Variants in USP31 observed in about 807,000 individuals in gnomAD.
The protein encoded by USP31 is ubiquitin carboxyl-terminal hydrolase 31.
A neutral mutation model predicts 119.4 loss-of-function variants in USP31; 44 were observed. The observed-to-expected ratio is 0.37, with a 90% CI of 0.29 to 0.47. The LOEUF (loss-of-function observed/expected upper bound fraction) is 0.47, where lower values mean the gene tolerates loss of function less well. Among genes scored for constraint, USP31 ranks in the 20% least tolerant of loss-of-function variants. USP31 has a pLI of 0.99. For synonymous variants in USP31, 749 were observed against 705.6 expected, an observed-to-expected ratio of 1.06 and a Z score of -0.97; for missense variants, 1,643 against 1,730.2, an observed-to-expected ratio of 0.95 and a Z score of 0.89.
At position 23,066,021 on chromosome 16, in the gene USP31, C is replaced by A. The variant is rs1403637079; in HGVS notation, c.*2025G>T. ...CAGAAAAACGAGAGCGGTGGCTACA[C>A]ACTGATGGGGCTGTGATGTGCTGGG... On this transcript the variant is annotated 3_prime_UTR_variant, in exon 16 of 16. Transcript: ENST00000219689. The A allele has an allele frequency of 1.3e-5, 2 of 152,188 alleles. No individual in the cohort carries two copies. Among genetic ancestry groups the A allele is most frequent in the South Asian group, 2.1e-4 (1 of 4,826 alleles). The allele number at this position is 152,188 out of a possible 1,614,324, so 9.4% of individuals were successfully genotyped here.
chr16:23,134,084 C>T (rs1262801578), intron 1 of USP31, among the ~76,000 whole-genome samples: 1 of 111,834 alleles, frequency 8.9e-6, no homozygotes, highest in African/African-American at 3.3e-5. Flanking sequence ...CTCTCTCTCT[C>T]TCTCTCACAC....
intron 1 of USP31, among the ~76,000 whole-genome samples, chr16:23,109,724 G>A (rs917323131): frequency 6.6e-6 from 1 of 151,852 alleles, no homozygotes; most frequent in African/African-American, 2.4e-5. Context: ...GCTAGCATGT[G>A]CACTTGATAT....
chr16:23,111,885 T>C (rs1228049160), intron 1 of USP31, among the ~76,000 whole-genome samples: 1 of 152,206 alleles, frequency 6.6e-6, no homozygotes, highest in Non-Finnish European at 1.5e-5. Flanking sequence ...CTGTCTACTA[T>C]ATTCCAATTA....
intron 1 of USP31, among the ~76,000 whole-genome samples, chr16:23,147,991 T>A (rs949904702): frequency 2.0e-5 from 3 of 152,210 alleles, no homozygotes; most frequent in Non-Finnish European, 4.4e-5. Context: ...AGCAGGTTTT[T>A]CTTTCTTCAA....
In USP31 at chr16:23,072,154, G is replaced by A. The variant is rs768697983; in HGVS notation, c.2379C>T (p.Leu793=). 3 of 1,611,094 alleles carry A rather than the reference G, an allele frequency of 1.9e-6. No homozygotes were observed. The highest frequency in any genetic ancestry group is 1.3e-5 in the African/African-American group (1 of 75,038). ...TCACGCTGGCTGGCTTGCTGCCCGG[G>A]AGCCGGCTCACCCAGTGTTCACACA... ...SSLCEHWVSR[L]PGSKPASVTS... Residue 793 remains leucine (L), a synonymous_variant, in exon 15 of 16, where the codon CTC becomes CTT. Coordinates refer to ENST00000219689, the MANE Select transcript of USP31 (RefSeq NM_020718.4).
chr16:23,081,181 T>C (rs1027275638), intron 12 of USP31, among the ~76,000 whole-genome samples: 1 of 152,182 alleles, frequency 6.6e-6, no homozygotes, highest in African/African-American at 2.4e-5. Flanking sequence ...AAGAGGACAC[T>C]GCAGGTTTGC....
At chr16:23,072,297 G>A (rs1355694573) in intron 14 of USP31, 100 bp from the exon 15 acceptor site, 1 of 1,498,404 alleles carries the variant, frequency 6.7e-7, no homozygotes, top group Admixed American at 2.0e-5. Context: ...GAGCTGGGGG[G>A]CGTTGATGTC....
chr16:23,082,311 T>C (rs1900865697), intron 12 of USP31, 127 bp downstream of exon 12: 2 of 1,296,010 alleles, frequency 1.5e-6, no homozygotes, highest in Non-Finnish European at 2.1e-6. Flanking sequence ...AGTGTGTCTA[T>C]AACATACACA....
intron 5 of USP31, 71 bp from the exon 6 acceptor site, chr16:23,102,534 A>C (rs545131297): frequency 6.5e-7 from 1 of 1,534,834 alleles, no homozygotes; most frequent in Non-Finnish European, 8.8e-7. Context: ...CAATTCTATG[A>C]ACTTCTCCAG....
At chr16:23,130,522 T>A (rs1902997110) in intron 1 of USP31, among the ~76,000 whole-genome samples, 1 of 152,072 alleles carries the variant, frequency 6.6e-6, no homozygotes, top group Admixed American at 6.5e-5. Flanking sequence ...CTACTGCAAT[T>A]GTGTGACTGA....
At position 23,148,637 on chromosome 16, in the gene USP31, C is replaced by A; in HGVS notation, c.633+1G>T. Reference sequence around the variant, plus strand: ...GGGGGCGCGGCGGCGCGCGGGCTCACCTTGAAGTCGCGGCTGTGCTGCGGG... The same window carrying A: ...GGGGGCGCGGCGGCGCGCGGGCTCAACTTGAAGTCGCGGCTGTGCTGCGGG... On this transcript the variant is annotated splice_donor_variant, in intron 1 of 15. Coordinates refer to ENST00000219689, the MANE Select transcript of USP31 (RefSeq NM_020718.4). LOFTEE classifies it high-confidence loss of function. 6.8e-7 allele frequency: 1 copy of A among 1,474,270 alleles called. No homozygotes were observed. Among genetic ancestry groups the A allele is most frequent in the Admixed American group, 2.5e-5 (1 of 39,832 alleles). 91.3% of individuals were successfully genotyped at this position (1,474,270 alleles called of 1,614,324 possible).
Position 23,067,822 on chromosome 16 carries a change from GT to G in USP31, c.*223del. 4.0e-6 allele frequency: 2 copies of G among 496,096 alleles called. No individual in the cohort carries two copies. The highest frequency in any genetic ancestry group is 6.9e-6 in the Non-Finnish European group (2 of 291,444). The allele number at this position is 496,096 out of a possible 1,614,324, so 30.7% of individuals were successfully genotyped here. Reference sequence around the variant, plus strand: ...TTATTCCAGTTAGCTTGGTGTCAATGTTTTGCCTATGGCTGTTATTTGGTTC... The same window carrying G: ...TTATTCCAGTTAGCTTGGTGTCAATGTTTGCCTATGGCTGTTATTTGGTTC... On this transcript the variant is annotated 3_prime_UTR_variant, in exon 16 of 16. Transcript: ENST00000219689.
chr16:23,076,703 T>C (rs1434350929), intron 13 of USP31, among the ~76,000 whole-genome samples: 2 of 152,258 alleles, frequency 1.3e-5, no homozygotes, highest in Non-Finnish European at 2.9e-5. Flanking sequence ...CCTGTCTTAT[T>C]CTTCCCAACA....
intron 9 of USP31, among the ~76,000 whole-genome samples, chr16:23,086,591 T>C (rs1416190657): frequency 6.6e-6 from 1 of 152,118 alleles, no homozygotes; most frequent in Non-Finnish European, 1.5e-5. Context: ...AAAGCACGCA[T>C]ATAAAATAGT....
At chr16:23,090,577 G>A (rs780422888) in intron 7 of USP31, 47 bp downstream of exon 7, 50 of 1,476,086 alleles carry the variant, frequency 3.4e-5, no homozygotes, top group Non-Finnish European at 3.9e-5. Context: ...TGAAAATACT[G>A]AACTGTTACA....
At chr16:23,106,745 T>C (rs1567238190) in intron 2 of USP31, among the ~76,000 whole-genome samples, 1 of 152,108 alleles carries the variant, frequency 6.6e-6, no homozygotes, top group Admixed American at 6.6e-5. Context: ...TTCCCCAGGA[T>C]GCTCCAGTTC....
At chr16:23,125,203 G>T (rs1281177574) in intron 1 of USP31, among the ~76,000 whole-genome samples, 1 of 152,194 alleles carries the variant, frequency 6.6e-6, no homozygotes, top group Non-Finnish European at 1.5e-5. Flanking sequence ...TGTGAGGATG[G>T]TATTACTATG....
At position 23,123,601 on chromosome 16, in the gene USP31, A is replaced by G. The variant is rs1173490729; in HGVS notation, c.634-15418T>C. Among the ~76,000 whole-genome samples, 10 of 152,306 alleles carry G rather than the reference A, an allele frequency of 6.6e-5. No homozygotes were observed. The East Asian group carries it at 7.7e-4, about 12-fold the overall frequency. On this transcript the variant is annotated intron_variant, in intron 1 of 15. Transcript: ENST00000219689. The stretch of plus-strand genomic sequence containing the variant: ...GTTGACATTAAAAAGGAAAAACACT[A>G]AAGTTTCTTAATTTAGTCAGATGCT...
At chr16:23,147,810 G>A (rs1204752015) in intron 1 of USP31, among the ~76,000 whole-genome samples, 2 of 152,174 alleles carry the variant, frequency 1.3e-5, no homozygotes, top group Non-Finnish European at 2.9e-5. Context: ...GGTGGTGTGT[G>A]TCTGTAGTCC....
Sources: allele counts gnomAD v4.1 joint callset (sites outside exome capture counted in the v4.1 genomes callset), GRCh38; gene constraint gnomAD v4.1.1; transcripts MANE v1.5; gene names NCBI Gene and HGNC (gene_info 2026-07-23, HGNC 2026-07-21).